Variants in SMAD7 observed in about 807,000 individuals in gnomAD.
SMAD7 encodes the protein SMAD family member 7.
SMAD7 carries 8 observed loss-of-function variants against 38.7 expected under a neutral mutation model. That is an observed-to-expected ratio of 0.21 (90% confidence interval 0.12 to 0.37). The LOEUF is 0.37. Among genes scored for constraint, SMAD7 ranks in the 10% least tolerant of loss-of-function variants. SMAD7 has a pLI of 1.00. For synonymous variants in SMAD7, 327 were observed against 265.1 expected (o/e 1.23, Z -2.27); for missense variants, 477 against 577.9 (o/e 0.83, Z 1.79).
intron 3 of SMAD7, among the ~76,000 whole-genome samples, chr18:48,925,652 G>A (rs2069918072): frequency 6.6e-6 from 1 of 152,190 alleles, no homozygotes; most frequent in Non-Finnish European, 1.5e-5. Context: ...AGAGGCTCGT[G>A]AATGAACCTC....
chr18:48,928,194 A>G (rs1045648872), intron 3 of SMAD7, among the ~76,000 whole-genome samples: 3 of 152,210 alleles, frequency 2.0e-5, no homozygotes, highest in Admixed American at 6.5e-5. Context: ...TGACCTGTCC[A>G]TAAATAATGT....
rs1320747522 is a variant in SMAD7, at chr18:48,920,491, C to A, written c.*881G>T. The A allele has an allele frequency of 6.6e-6, 1 of 152,590 alleles. No homozygotes were observed. Among genetic ancestry groups the A allele is most frequent in the Non-Finnish European group, 1.5e-5 (1 of 68,270 alleles). The allele number at this position is 152,590 out of a possible 1,614,324, so 9.5% of individuals were successfully genotyped here. A position where few individuals can be genotyped will look rare whatever the true frequency, so the allele number is the denominator to read the frequency against. ...CAGGATGGGAGCAGGCAGTGCTGAG[C>A]TGGTTTTCTAAGTCCGGGAAAAACC... On this transcript the variant is annotated 3_prime_UTR_variant, in exon 4 of 4. Transcript: ENST00000262158.
At chr18:48,948,734 G>C (rs1439956922) in intron 1 of SMAD7, among the ~76,000 whole-genome samples, 3 of 152,200 alleles carry the variant, frequency 2.0e-5, no homozygotes, top group African/African-American at 7.2e-5. Flanking sequence ...TTCACAGGGC[G>C]GGGGGCGACC....
chr18:48,938,945 C>G (rs938364743), intron 3 of SMAD7, among the ~76,000 whole-genome samples: 1 of 152,132 alleles, frequency 6.6e-6, no homozygotes, highest in Non-Finnish European at 1.5e-5. Context: ...CCCAGAGAGT[C>G]AGGCACAGAC....
intron 2 of SMAD7, among the ~76,000 whole-genome samples, chr18:48,944,754 C>G (rs938413971): frequency 6.6e-6 from 1 of 152,238 alleles, no homozygotes; most frequent in Non-Finnish European, 1.5e-5. Flanking sequence ...TCCGCATAGA[C>G]AGATCTCTGA....
chr18:48,948,579 C>T (rs2070223727), intron 1 of SMAD7, 142 bp from the exon 2 acceptor site: 1 of 548,138 alleles, frequency 1.8e-6, no homozygotes, highest in Non-Finnish European at 3.2e-6. Flanking sequence ...CGGTGATTGC[C>T]TTGATATTTA....
intron 3 of SMAD7, among the ~76,000 whole-genome samples, chr18:48,940,442 G>T (rs1009190202): frequency 6.6e-6 from 1 of 152,094 alleles, no homozygotes; most frequent in Non-Finnish European, 1.5e-5. Flanking sequence ...GACTGGAAGA[G>T]CTTTGGGGAA....
chr18:48,923,532 A>C (rs1399891026), intron 3 of SMAD7, among the ~76,000 whole-genome samples: 1 of 152,132 alleles, frequency 6.6e-6, no homozygotes, highest in East Asian at 1.9e-4. Context: ...CCCGTCAGTA[A>C]GGCCATACAA....
rs1192852514 is a variant in SMAD7, at chr18:48,937,189, GCT to G, written c.742+5290_742+5291del. ...TTCCTCCCTTTTCACTGCTCCACCG[GCT>G]CTGAGCTTGCCACGGAGGTCCCATA... On this transcript the variant is annotated intron_variant, in intron 3 of 3. Transcript: ENST00000262158. Among the ~76,000 whole-genome samples, 4 of 151,814 alleles carry G rather than the reference GCT, an allele frequency of 2.6e-5. No individual in the cohort carries two copies. The South Asian group carries it at 8.3e-4, about 32-fold the overall frequency.
chr18:48,933,958 C>G (rs1018518098), intron 3 of SMAD7, among the ~76,000 whole-genome samples: 3 of 152,196 alleles, frequency 2.0e-5, no homozygotes, highest in Non-Finnish European at 2.9e-5. Flanking sequence ...GCGGGCCAGC[C>G]ACACACACAG....
rs555771019 is a variant in SMAD7, at chr18:48,935,075, G to A, written c.742+7406C>T. Among the ~76,000 whole-genome samples the A allele has an allele frequency of 2.0e-5, 3 of 152,236 alleles. No individual in the cohort carries two copies. In the South Asian group the frequency reaches 6.2e-4, roughly 32 times the overall value. The stretch of plus-strand genomic sequence containing the variant: ...AAGAGTTGGCTTCGTAAGAAGCCTG[G>A]TTCTCTCTCTAGCAGATACTGAATC... On this transcript the variant is annotated intron_variant, in intron 3 of 3. Transcript: ENST00000262158.
intron 3 of SMAD7, among the ~76,000 whole-genome samples, chr18:48,928,612 G>A (rs1453846303): frequency 2.0e-5 from 3 of 151,914 alleles, no homozygotes; most frequent in East Asian, 1.9e-4. Context: ...TCCCATCACC[G>A]CCCTCCTTGC....
intron 3 of SMAD7, among the ~76,000 whole-genome samples, chr18:48,934,793 CA>C (rs946507069): frequency 4.6e-5 from 7 of 151,636 alleles, no homozygotes; most frequent in Admixed American, 4.6e-4. Flanking sequence ...AAACACAAAA[CA>C]GAAAACAGGC....
intron 2 of SMAD7, among the ~76,000 whole-genome samples, chr18:48,947,547 C>T (rs1313602907): frequency 6.6e-6 from 1 of 152,220 alleles, no homozygotes; most frequent in Admixed American, 6.5e-5. Flanking sequence ...TTACATACAA[C>T]CTGTACTTTT....
intron 3 of SMAD7, among the ~76,000 whole-genome samples, chr18:48,937,546 AG>A (rs913115307): frequency 5.3e-5 from 8 of 152,124 alleles, no homozygotes; most frequent in Non-Finnish European, 1.0e-4. Flanking sequence ...CCAGGACAAA[AG>A]GGGTTTTATC....
rs753336039 is a variant in SMAD7, at chr18:48,921,825, G to C, written c.828C>G (p.Leu276=). Residue 276 remains leucine, a synonymous_variant, in exon 4 of 4, where the codon CTC becomes CTG. Coordinates refer to ENST00000262158, the MANE Select transcript of SMAD7 (RefSeq NM_005904.4). This position sits in a 1 kb window ranked among gnomAD's most constrained non-coding sequence, Gnocchi z 6.4. ...YWEEKTRVGR[L]YCVQEPSLDI... is the part of the protein sequence containing the mutation. ...CCAGAGAGGGCTCCTGGACACAGTA[G>C]AGCCTCCCCACTCTCGTCTTCTCCT... 26 of 1,613,970 alleles carry C rather than the reference G, an allele frequency of 1.6e-5. No homozygotes were observed. Among genetic ancestry groups the C allele is most frequent in the African/African-American group, 2.7e-5 (2 of 75,050 alleles).
Position 48,950,206 on chromosome 18 carries a change from G to A in SMAD7, c.219C>T (p.His73=). The A allele has an allele frequency of 1.3e-6, 2 of 1,497,744 alleles. No homozygotes were observed. Among genetic ancestry groups the A allele is most frequent in the Non-Finnish European group, 1.8e-6 (2 of 1,128,440 alleles). The allele number at this position is 1,497,744 out of a possible 1,614,324, so 92.8% of individuals were successfully genotyped here. A position where few individuals can be genotyped will look rare whatever the true frequency, so the allele number is the denominator to read the frequency against. ...CGCCCGCGGCTGGCGGGTGGGGATG[G>A]TGGTGACCTTTGGCACCTCGCACCG... is the stretch of plus-strand genomic sequence containing the variant. ...GKAVRGAKGH[H]HPHPPAAGAG... Residue 73 remains histidine, a synonymous_variant, in exon 1 of 4, where the codon CAC becomes CAT. Transcript: ENST00000262158.
intron 2 of SMAD7, among the ~76,000 whole-genome samples, chr18:48,944,853 C>A (rs1047485662): frequency 6.6e-6 from 1 of 152,214 alleles, no homozygotes; most frequent in Non-Finnish European, 1.5e-5. Context: ...TCCTGACTCA[C>A]GCAACACTAA....
intron 1 of SMAD7, 67 bp downstream of exon 1, chr18:48,949,745 C>T: frequency 6.7e-7 from 1 of 1,496,202 alleles, no homozygotes; most frequent in South Asian, 1.4e-5. Flanking sequence ...AAACGCACTG[C>T]CCTAGGGGCT....
Sources: gnomAD v4.1 joint callset for allele counts (sites outside exome capture counted in the v4.1 genomes callset) on GRCh38, gnomAD v4.1.1 for gene constraint, Gnocchi (gnomAD v3.1) non-coding constraint, MANE v1.5 for transcripts, NCBI Gene and HGNC (gene_info 2026-07-23, HGNC 2026-07-21) for gene names.